Variants in PLXDC2 observed in about 807,000 individuals in gnomAD.
The protein encoded by PLXDC2 is plexin domain-containing protein 2.
PLXDC2 carries 40 observed loss-of-function variants against 68.9 expected under a neutral mutation model. That is an observed-to-expected ratio of 0.58 (90% confidence interval 0.45 to 0.76). The LOEUF (loss-of-function observed/expected upper bound fraction) is 0.76, where lower values mean the gene tolerates loss of function less well. PLXDC2 is among the 30% of genes least tolerant of loss of function. The pLI is 0.00. For synonymous variants in PLXDC2, 243 were observed against 234.2 expected (o/e 1.04, Z -0.34); for missense variants, 644 against 661.9 (o/e 0.97, Z 0.30).
chr10:20,204,442 T>G (rs1834962971), intron 9 of PLXDC2, among the ~76,000 whole-genome samples: 1 of 152,148 alleles, frequency 6.6e-6, no homozygotes, highest in Non-Finnish European at 1.5e-5. Flanking sequence ...TTTCCATTTC[T>G]TTGATTCTGG....
chr10:19,860,827 C>T (rs1056979751), intron 1 of PLXDC2, among the ~76,000 whole-genome samples: 1 of 152,064 alleles, frequency 6.6e-6, no homozygotes, highest in African/African-American at 2.4e-5. Flanking sequence ...TGTACATAGT[C>T]TTCAGTACCA....
chr10:19,958,843 A>G (rs1015207056), intron 1 of PLXDC2, among the ~76,000 whole-genome samples: 4 of 146,742 alleles, frequency 2.7e-5, no homozygotes, highest in Admixed American at 6.7e-5. Flanking sequence ...TTGTTTTTCA[A>G]ATTAAGTTCT....
chr10:20,107,193 A>C (rs1359623507), intron 4 of PLXDC2, among the ~76,000 whole-genome samples: 1 of 151,772 alleles, frequency 6.6e-6, no homozygotes, highest in African/African-American at 2.4e-5. Context: ...TGCATACTGT[A>C]TATTTTCTCC....
chr10:20,222,688 G>A (rs1304139700), intron 12 of PLXDC2, among the ~76,000 whole-genome samples: 2 of 152,030 alleles, frequency 1.3e-5, no homozygotes, highest in Non-Finnish European at 2.9e-5. Flanking sequence ...TTCTAAAAAC[G>A]CAGATGATCC....
intron 4 of PLXDC2, among the ~76,000 whole-genome samples, chr10:20,135,075 C>T (rs1833917364): frequency 6.6e-6 from 1 of 152,146 alleles, no homozygotes; most frequent in Non-Finnish European, 1.5e-5. Flanking sequence ...TCACCTGGAT[C>T]TCTTAGTTCT....
At chr10:20,219,033 C>G (rs1179460021) in intron 11 of PLXDC2, 31 bp from the exon 12 acceptor site, 1 of 1,603,438 alleles carries the variant, frequency 6.2e-7, no homozygotes, top group Non-Finnish European at 8.5e-7. Flanking sequence ...CAATCCTTTT[C>G]TGTTATAGTA....
chr10:19,823,198 T>C (rs1836505589), intron 1 of PLXDC2, among the ~76,000 whole-genome samples: 1 of 152,150 alleles, frequency 6.6e-6, no homozygotes, highest in Admixed American at 6.5e-5. Flanking sequence ...TGTTTACTTA[T>C]GCTTTTAATT....
chr10:20,173,281 T>C (rs1477927140), intron 7 of PLXDC2, among the ~76,000 whole-genome samples: 1 of 152,188 alleles, frequency 6.6e-6, no homozygotes, highest in Non-Finnish European at 1.5e-5. Context: ...GAAATGTTAG[T>C]GAATCATTCA....
At chr10:20,118,645 G>A (rs916214781) in intron 4 of PLXDC2, among the ~76,000 whole-genome samples, 7 of 152,148 alleles carry the variant, frequency 4.6e-5, no homozygotes, top group African/African-American at 1.2e-4. Context: ...GTCATGATCA[G>A]CCACTATGTA....
chr10:20,062,127 C>T (rs1836116344), intron 3 of PLXDC2, among the ~76,000 whole-genome samples: 2 of 152,118 alleles, frequency 1.3e-5, no homozygotes, highest in African/African-American at 4.8e-5. Context: ...CTTTAAAAGG[C>T]TTTAAAAGGT....
At chr10:19,951,574 A>G (rs1385515854) in intron 1 of PLXDC2, among the ~76,000 whole-genome samples, 1 of 152,226 alleles carries the variant, frequency 6.6e-6, no homozygotes, top group Non-Finnish European at 1.5e-5. Context: ...TAGTTCAGCT[A>G]TTGTGGGAAG....
chr10:19,912,593 C>T (rs530671612), intron 1 of PLXDC2, among the ~76,000 whole-genome samples: 53 of 152,028 alleles, frequency 3.5e-4, no homozygotes, highest in African/African-American at 1.2e-3. Context: ...TCTGTTGATA[C>T]GAGATATTGG....
chr10:19,917,207 G>A (rs1833383596), intron 1 of PLXDC2, among the ~76,000 whole-genome samples: 1 of 152,106 alleles, frequency 6.6e-6, no homozygotes, highest in Non-Finnish European at 1.5e-5. Context: ...GTGTGAGAAA[G>A]AACATTTTCA....
At chr10:20,072,831 G>A (rs1017103953) in intron 4 of PLXDC2, among the ~76,000 whole-genome samples, 1 of 152,174 alleles carries the variant, frequency 6.6e-6, no homozygotes, top group Admixed American at 6.5e-5. Flanking sequence ...GATCCACTAG[G>A]ATGCAGTGAA....
At chr10:19,848,025 C>T (rs1010263875) in intron 1 of PLXDC2, among the ~76,000 whole-genome samples, 6 of 152,100 alleles carry the variant, frequency 3.9e-5, no homozygotes, top group Non-Finnish European at 8.8e-5. Context: ...CATTTTCATA[C>T]ATTAGAAATT....
intron 1 of PLXDC2, among the ~76,000 whole-genome samples, chr10:19,863,714 AT>A (rs1283398094): frequency 5.9e-5 from 9 of 152,306 alleles, no homozygotes; most frequent in Admixed American, 1.3e-4. Context: ...ATTAACAAGC[AT>A]TTTTTTATGT....
chr10:20,058,099 A>C (rs1195998572), intron 3 of PLXDC2, among the ~76,000 whole-genome samples: 1 of 152,180 alleles, frequency 6.6e-6, no homozygotes, highest in Non-Finnish European at 1.5e-5. Context: ...TGAATTATTT[A>C]GTCACTTCGC....
chr10:20,240,463 CT>C (rs1835499598), intron 12 of PLXDC2, among the ~76,000 whole-genome samples: 1 of 152,054 alleles, frequency 6.6e-6, no homozygotes, highest in Non-Finnish European at 1.5e-5. Context: ...TAAATTCTGT[CT>C]GCAAATCTCC....
At chr10:19,909,344 G>T (rs926026904) in intron 1 of PLXDC2, among the ~76,000 whole-genome samples, 1 of 152,086 alleles carries the variant, frequency 6.6e-6, no homozygotes, top group Non-Finnish European at 1.5e-5. Context: ...TTTTCATTTT[G>T]TAGAAAAACC....
Sources: gnomAD v4.1 joint callset for allele counts (sites outside exome capture counted in the v4.1 genomes callset) on GRCh38, gnomAD v4.1.1 for gene constraint, MANE v1.5 for transcripts, NCBI Gene and HGNC (gene_info 2026-07-23, HGNC 2026-07-21) for gene names.